Variants in RCL1 observed in about 807,000 individuals in gnomAD.
The protein encoded by RCL1 is RNA terminal phosphate cyclase like 1.
In RCL1, 24 loss-of-function variants were observed where a neutral mutation model predicts 42.4. That is an observed-to-expected ratio of 0.57 (90% confidence interval 0.41 to 0.80). The LOEUF (loss-of-function observed/expected upper bound fraction) is 0.80. RCL1 is among the 30% of genes least tolerant of loss of function. The pLI, the probability that RCL1 is intolerant of heterozygous loss-of-function variation, is 0.00. For synonymous variants in RCL1, 228 were observed against 177.3 expected (o/e 1.29, Z -2.27); for missense variants, 578 against 467.9 (o/e 1.24, Z -2.17).
chr9:4,847,819 C>T (rs976720672), intron 7 of RCL1, among the ~76,000 whole-genome samples: 1 of 152,216 alleles, frequency 6.6e-6, no homozygotes, highest in Non-Finnish European at 1.5e-5. Context: ...AGGCTGGTCA[C>T]CTGGCCATTC....
chr9:4,813,690 A>G (rs1180719712), intron 1 of RCL1, among the ~76,000 whole-genome samples: 3 of 152,344 alleles, frequency 2.0e-5, no homozygotes, highest in Admixed American at 1.3e-4. Flanking sequence ...ATTACTGGGT[A>G]TATACCCAAA....
chr9:4,826,911 G>A lies in RCL1; in HGVS notation c.262G>A (p.Asp88Asn). 1 of 1,614,146 alleles carries A rather than the reference G, an allele frequency of 6.2e-7. No homozygotes were observed. The stretch of plus-strand genomic sequence containing the variant: ...CCTGTATGGTGGATCTGTGGAACAT[G>A]ACTGTAGCGTCCTTCGTGGCATTGG... Reference protein sequence around the residue: ...GLLYGGSVEHDCSVLRGIGYY... With the variant: ...GLLYGGSVEHNCSVLRGIGYY... Residue 88 changes from aspartate to asparagine, a missense_variant, in exon 3 of 9, where the codon GAC becomes AAC. Physicochemically the swap from Asp to Asn is conservative, Grantham distance 23 (BLOSUM62 1). Transcript: ENST00000381750.
chr9:4,818,918 A>C (rs1816490116), intron 1 of RCL1, among the ~76,000 whole-genome samples: 1 of 152,006 alleles, frequency 6.6e-6, no homozygotes, highest in Admixed American at 6.6e-5. Flanking sequence ...CATTATATAT[A>C]TAACTTTTAA....
intron 1 of RCL1, among the ~76,000 whole-genome samples, chr9:4,815,950 A>G (rs1053583670): frequency 6.6e-6 from 1 of 151,442 alleles, no homozygotes; most frequent in African/African-American, 2.4e-5. Context: ...GGGTGATAGA[A>G]GCTTGGCATT....
intron 1 of RCL1, among the ~76,000 whole-genome samples, chr9:4,806,001 A>G (rs1189180184): frequency 6.8e-6 from 1 of 147,662 alleles, no homozygotes; most frequent in African/African-American, 2.5e-5. Context: ...TTATTAGTAT[A>G]TAGAAATACC....
At chr9:4,814,229 G>T (rs1398903047) in intron 1 of RCL1, among the ~76,000 whole-genome samples, 1 of 151,878 alleles carries the variant, frequency 6.6e-6, no homozygotes, top group Non-Finnish European at 1.5e-5. Context: ...TTGTGTTGAG[G>T]TGTGTTCTTT....
intron 8 of RCL1, among the ~76,000 whole-genome samples, chr9:4,858,083 A>G (rs1380681469): frequency 6.6e-6 from 1 of 151,890 alleles, no homozygotes; most frequent in Non-Finnish European, 1.5e-5. Flanking sequence ...GGGGGTCGTA[A>G]TAGACTGGTC....
intron 1 of RCL1, among the ~76,000 whole-genome samples, chr9:4,794,669 G>GTA (rs1842885677): frequency 6.6e-6 from 1 of 150,590 alleles, no homozygotes; most frequent in Admixed American, 6.6e-5. Context: ...AGAAATGGAA[G>GTA]TATAGCCTGG....
At chr9:4,842,949 C>T (rs1421598726) in intron 6 of RCL1, among the ~76,000 whole-genome samples, 1 of 152,156 alleles carries the variant, frequency 6.6e-6, no homozygotes, top group Non-Finnish European at 1.5e-5. Flanking sequence ...TTTTGTTATA[C>T]CACTGACTCA....
chr9:4,844,561 C>T lies in RCL1; in HGVS notation c.747C>T (p.Thr249=), dbSNP rs528944310. The T allele has an allele frequency of 1.3e-5, 21 of 1,613,464 alleles. No homozygotes were observed. The highest frequency in any genetic ancestry group is 2.7e-5 in the African/African-American group (2 of 74,876). Residue 249 remains threonine (T), a synonymous_variant, in exon 7 of 9, where the codon ACC becomes ACT. Transcript: ENST00000381750. ...PGFGLSLVAE[T]TSGTFLSAEL... ...TTGGGTTGTCACTGGTTGCTGAGACCACCAGTGGCACCTTCCTCAGTGCTG... is the reference window on the plus strand; with the variant it reads ...TTGGGTTGTCACTGGTTGCTGAGACTACCAGTGGCACCTTCCTCAGTGCTG...
intron 1 of RCL1, among the ~76,000 whole-genome samples, chr9:4,810,682 G>A (rs1387472848): frequency 2.0e-5 from 3 of 152,126 alleles, no homozygotes; most frequent in Non-Finnish European, 2.9e-5. Context: ...CCTGAATGCT[G>A]GATCGTAGGG....
At position 4,794,702 on chromosome 9, in the gene RCL1, A is replaced by T. The variant is rs572171077; in HGVS notation, c.136+1475A>T. Among the ~76,000 whole-genome samples the T allele has an allele frequency of 7.9e-5, 12 of 152,064 alleles. No individual in the cohort carries two copies. The East Asian group carries it at 2.3e-3, about 29-fold the overall frequency. On this transcript the variant is annotated intron_variant, in intron 1 of 8. Coordinates refer to ENST00000381750, the MANE Select transcript of RCL1 (RefSeq NM_005772.5). ...TGGAAACCTGGGTTCTCTAAAATGA[A>T]TCTAGTTCTATTTAGAGTTTTTCTA...
chr9:4,837,851 G>C (rs1007057577), intron 5 of RCL1, among the ~76,000 whole-genome samples: 3 of 152,136 alleles, frequency 2.0e-5, no homozygotes, highest in African/African-American at 7.2e-5. Context: ...CTGGAGGCAG[G>C]GGATAGGACA....
chr9:4,849,905 T>G (rs1817666630), intron 8 of RCL1, among the ~76,000 whole-genome samples: 1 of 152,290 alleles, frequency 6.6e-6, no homozygotes, highest in East Asian at 1.9e-4. Flanking sequence ...GCTGTCTAAC[T>G]TGCTGTGGGA....
At chr9:4,814,948 G>A (rs13300663) in intron 1 of RCL1, among the ~76,000 whole-genome samples, 2 of 151,468 alleles carry the variant, frequency 1.3e-5, no homozygotes, top group Admixed American at 6.6e-5. Context: ...ATTCTCTCAT[G>A]GTCTATAAGG....
chr9:4,822,050 C>T (rs1816612881), intron 1 of RCL1, among the ~76,000 whole-genome samples: 1 of 152,254 alleles, frequency 6.6e-6, no homozygotes, highest in Non-Finnish European at 1.5e-5. Flanking sequence ...GCATGCAACA[C>T]ACAGCAGCTT....
At chr9:4,849,378 T>C in intron 7 of RCL1, 69 bp from the exon 8 acceptor site, 1 of 1,212,488 alleles carries the variant, frequency 8.2e-7, no homozygotes, top group Non-Finnish European at 1.2e-6. Context: ...TTTCTGGTTT[T>C]TTTTTTCCTC....
intron 1 of RCL1, among the ~76,000 whole-genome samples, chr9:4,794,938 A>G (rs969174372): frequency 2.0e-5 from 3 of 152,126 alleles, no homozygotes; most frequent in African/African-American, 4.8e-5. Context: ...GTGTGCTGGT[A>G]TTTTATGGGG....
chr9:4,841,766 A>G (rs1444110171), intron 6 of RCL1, among the ~76,000 whole-genome samples: 1 of 152,256 alleles, frequency 6.6e-6, no homozygotes, highest in Non-Finnish European at 1.5e-5. Flanking sequence ...ATCAGTGGAA[A>G]CAACATATTT....
Sources: gnomAD v4.1 joint callset for allele counts (sites outside exome capture counted in the v4.1 genomes callset) on GRCh38, gnomAD v4.1.1 for gene constraint, MANE v1.5 for transcripts, NCBI Gene and HGNC (gene_info 2026-07-23, HGNC 2026-07-21) for gene names.